EYS: variants seen among roughly 807,000 people sequenced by gnomAD.
EYS encodes the protein EGF-like photoreceptor maintenance factor.
EYS carries 250 observed loss-of-function variants against 282.1 expected under a neutral mutation model. The ratio of observed to expected loss-of-function variants is 0.89; its 90% CI spans 0.80 to 0.98. EYS has a LOEUF of 0.98. EYS is among the 50% of genes least tolerant of loss of function. EYS has a pLI of 0.00. For missense variants in EYS, 4,016 were observed against 3,709.0 expected, an observed-to-expected ratio of 1.08 and a Z score of -2.15; for synonymous variants, 1,355 against 1,282.9, an observed-to-expected ratio of 1.06 and a Z score of -1.20.
chr6:64,560,092 T>C (rs1765350016), intron 26 of EYS, among the ~76,000 whole-genome samples: 1 of 152,164 alleles, frequency 6.6e-6, no homozygotes, highest in Non-Finnish European at 1.5e-5. Flanking sequence ...TGTTCTTGTA[T>C]TTCTGTATCT....
chr6:64,439,151 G>T lies in EYS; in HGVS notation c.5835+11C>A. 1 of 1,359,844 alleles carries T rather than the reference G, an allele frequency of 7.4e-7. No homozygotes were observed. Among genetic ancestry groups the T allele is most frequent in the South Asian group, 1.5e-5 (1 of 64,620 alleles). The allele number at this position is 1,359,844 out of a possible 1,614,324, so 84.2% of individuals were successfully genotyped here. A position where few individuals can be genotyped will look rare whatever the true frequency, so the allele number is the denominator to read the frequency against. On this transcript the variant is annotated intron_variant, in intron 27 of 42. Coordinates refer to ENST00000503581, the MANE Select transcript of EYS (RefSeq NM_001142800.2). ...TAATTTTTAAAAAATTAAATGAACT[G>T]AATAACTTACCTTTAAAGTACCATT...
intron 36 of EYS, among the ~76,000 whole-genome samples, chr6:63,827,714 G>C (rs1351894024): frequency 6.6e-6 from 1 of 151,758 alleles, no homozygotes; most frequent in Non-Finnish European, 1.5e-5. Flanking sequence ...CGCTGTGGCG[G>C]GCGCCTGTAG....
At chr6:63,996,607 C>A (rs1767849721) in intron 34 of EYS, among the ~76,000 whole-genome samples, 1 of 152,010 alleles carries the variant, frequency 6.6e-6, no homozygotes, top group Non-Finnish European at 1.5e-5. Flanking sequence ...TGTTGTGAGA[C>A]CACATAGTTT....
chr6:64,454,719 T>C (rs1775499318), intron 26 of EYS, among the ~76,000 whole-genome samples: 1 of 152,168 alleles, frequency 6.6e-6, no homozygotes, highest in African/African-American at 2.4e-5. Context: ...ACTGCATTAC[T>C]TAAGTATCCA....
At chr6:64,582,311 C>A (rs944654511) in intron 26 of EYS, among the ~76,000 whole-genome samples, 2 of 152,256 alleles carry the variant, frequency 1.3e-5, no homozygotes, top group Admixed American at 1.3e-4. Context: ...CCGTTGTGAA[C>A]TGCACATGTG....
chr6:64,019,416 C>CTTTT (rs112215249), intron 33 of EYS, among the ~76,000 whole-genome samples: 3 of 150,536 alleles, frequency 2.0e-5, no homozygotes. Context: ...TCTTTCTTTC[C>CTTTT]TTTTTATTTT....
chr6:65,179,372 G>A (rs1765312751), intron 12 of EYS, among the ~76,000 whole-genome samples: 1 of 152,146 alleles, frequency 6.6e-6, no homozygotes, highest in Non-Finnish European at 1.5e-5. Context: ...AAATGATAAA[G>A]GGGATACCAC....
intron 2 of EYS, among the ~76,000 whole-genome samples, chr6:65,560,613 C>T (rs1017131439): frequency 2.0e-5 from 3 of 151,482 alleles, no homozygotes; most frequent in Non-Finnish European, 4.4e-5. Flanking sequence ...GCATCTCTGC[C>T]ATCCAAAGGC....
intron 12 of EYS, among the ~76,000 whole-genome samples, chr6:65,139,292 T>A (rs141957858): frequency 2.5e-3 from 382 of 152,124 alleles, no homozygotes; most frequent in African/African-American, 8.5e-3. Context: ...ACAACATGGA[T>A]GGAACTGAAG....
At chr6:64,348,730 A>AT in intron 29 of EYS, among the ~76,000 whole-genome samples, 1 of 151,378 alleles carries the variant, frequency 6.6e-6, no homozygotes. Context: ...AAAATGAGGT[A>AT]TTTTTTCAAA....
chr6:64,823,720 A>G (rs1562210836), intron 19 of EYS, among the ~76,000 whole-genome samples: 1 of 151,944 alleles, frequency 6.6e-6, no homozygotes, highest in Non-Finnish European at 1.5e-5. Context: ...TCAGAGTGTA[A>G]GTGAAACTTC....
intron 19 of EYS, among the ~76,000 whole-genome samples, chr6:64,859,226 A>T (rs1766160891): frequency 6.8e-6 from 1 of 147,714 alleles, no homozygotes; most frequent in Middle Eastern, 3.3e-3. Context: ...TATCTAATAT[A>T]TTTATATTTA....
At chr6:64,103,571 C>T (rs191679836) in intron 31 of EYS, among the ~76,000 whole-genome samples, 4 of 151,974 alleles carry the variant, frequency 2.6e-5, no homozygotes, top group South Asian at 2.1e-4. Flanking sequence ...ACAGACTATG[C>T]GAGATTAATA....
chr6:64,557,693 A>G (rs1390845439), intron 26 of EYS, among the ~76,000 whole-genome samples: 1 of 152,070 alleles, frequency 6.6e-6, no homozygotes, highest in Non-Finnish European at 1.5e-5. Flanking sequence ...TTAACGGTAA[A>G]TTATATAAAT....
At chr6:65,058,885 T>C (rs542994900) in intron 12 of EYS, among the ~76,000 whole-genome samples, 1 of 138,726 alleles carries the variant, frequency 7.2e-6, no homozygotes, top group Non-Finnish European at 1.7e-5. Flanking sequence ...CAATGCAAAT[T>C]ATTAGCAAAT....
chr6:64,775,100 G>A (rs777186436), intron 22 of EYS, among the ~76,000 whole-genome samples: 43 of 151,944 alleles, frequency 2.8e-4, no homozygotes, highest in Non-Finnish European at 5.9e-4. Context: ...AAAACAGCAG[G>A]AGGGGGTAAC....
At chr6:64,184,556 C>CAAA (rs11403969) in intron 31 of EYS, among the ~76,000 whole-genome samples, 4 of 143,580 alleles carry the variant, frequency 2.8e-5, no homozygotes, top group African/African-American at 7.7e-5. Flanking sequence ...CACCATTATG[C>CAAA]AAAAAAAAAA....
chr6:63,818,931 T>C (rs1250053766), intron 36 of EYS, among the ~76,000 whole-genome samples: 1 of 152,230 alleles, frequency 6.6e-6, no homozygotes, highest in Non-Finnish European at 1.5e-5. Flanking sequence ...TCTCCTTCCA[T>C]CCAAAAATAT....
chr6:64,930,072 CA>C (rs1238649711), intron 15 of EYS, among the ~76,000 whole-genome samples: 2 of 151,970 alleles, frequency 1.3e-5, no homozygotes, highest in Non-Finnish European at 2.9e-5. Context: ...TGAATCTGTC[CA>C]AAAGATAATT....
Sources: gnomAD v4.1 joint callset for allele counts (sites outside exome capture counted in the v4.1 genomes callset) on GRCh38, gnomAD v4.1.1 for gene constraint, MANE v1.5 for transcripts, NCBI Gene and HGNC (gene_info 2026-07-23, HGNC 2026-07-21) for gene names.